GPR39: variants seen among roughly 807,000 people sequenced by gnomAD.
The protein encoded by GPR39 is G protein-coupled receptor 39, also known as zinc sensing receptor.
In GPR39, 23 loss-of-function variants were observed where a neutral mutation model predicts 18.4. The ratio of observed to expected loss-of-function variants is 1.25; its 90% CI spans 0.90 to 1.77. GPR39 has a LOEUF of 1.77. Among genes scored for constraint, GPR39 ranks in the 40% most tolerant of loss-of-function variants. The probability of loss-of-function intolerance (pLI) is 0.00; values close to 1 mark genes in which losing one functional copy is unlikely to be tolerated. For missense variants in GPR39, 647 were observed against 602.4 expected (o/e 1.07, Z -0.78); for synonymous variants, 280 against 257.9 (o/e 1.09, Z -0.82).
At chr2:132,636,256 C>T (rs1450046983) in intron 1 of GPR39, among the ~76,000 whole-genome samples, 1 of 152,246 alleles carries the variant, frequency 6.6e-6, no homozygotes, top group East Asian at 1.9e-4. Context: ...GTAAAAAAGA[C>T]TCCCATGGAG....
In GPR39 at chr2:132,645,596, A is replaced by G; in HGVS notation, c.1352A>G (p.His451Arg). 2 of 1,610,772 alleles carry G rather than the reference A, an allele frequency of 1.2e-6. No homozygotes were observed. Among genetic ancestry groups the G allele is most frequent in the Non-Finnish European group, 1.7e-6 (2 of 1,178,548 alleles). ...NSAAENGFQE[H>R]EV ...GCTGCAGAGAATGGTTTTCAGGAGC[A>G]TGAAGTTTGAATGTCAAGCGAGGGA... Residue 451 changes from histidine to arginine, a missense_variant, in exon 2 of 2, where the codon CAT becomes CGT. By Grantham distance (29) the His-to-Arg change is conservative. Around this residue, in one of 3 missense-constraint regions of GPR39, gnomAD observed 581 missense variants for 506.8 expected, o/e 1.15. Coordinates refer to ENST00000329321, the MANE Select transcript of GPR39 (RefSeq NM_001508.3).
chr2:132,476,559 C>A (rs1241104694), intron 1 of GPR39, among the ~76,000 whole-genome samples: 6 of 140,822 alleles, frequency 4.3e-5, no homozygotes, highest in African/African-American at 1.6e-4. Context: ...TCACTTGAAC[C>A]CGGGAGGTGG....
chr2:132,551,278 TGGG>T (rs566660350), intron 1 of GPR39, among the ~76,000 whole-genome samples: 1 of 150,782 alleles, frequency 6.6e-6, no homozygotes, highest in East Asian at 1.9e-4. Context: ...TCCGTGTTAT[TGGG>T]GGAAAAAAAA....
intron 1 of GPR39, among the ~76,000 whole-genome samples, chr2:132,495,069 C>T (rs1381065464): frequency 6.6e-6 from 1 of 152,100 alleles, no homozygotes; most frequent in Non-Finnish European, 1.5e-5. Context: ...ACATCAAAGA[C>T]ACTAGGAAGA....
At chr2:132,619,653 T>C (rs1163763501) in intron 1 of GPR39, among the ~76,000 whole-genome samples, 5 of 152,134 alleles carry the variant, frequency 3.3e-5, no homozygotes, top group African/African-American at 1.2e-4. Context: ...AGGCACAGCC[T>C]CCTGGGAGGA....
chr2:132,490,924 G>A (rs540849679), intron 1 of GPR39, among the ~76,000 whole-genome samples: 12 of 152,266 alleles, frequency 7.9e-5, no homozygotes, highest in African/African-American at 1.9e-4. Context: ...AAGGGGCTGC[G>A]AAGGCTCTGT....
intron 1 of GPR39, among the ~76,000 whole-genome samples, chr2:132,634,633 G>T (rs72844715): frequency 6.6e-6 from 1 of 152,122 alleles, no homozygotes; most frequent in African/African-American, 2.4e-5. Flanking sequence ...TTCTGCACAC[G>T]TCCTCTAAGT....
intron 1 of GPR39, among the ~76,000 whole-genome samples, chr2:132,569,335 A>G (rs1032160774): frequency 2.0e-5 from 3 of 152,210 alleles, no homozygotes; most frequent in African/African-American, 7.2e-5. Context: ...TCACCAAGTC[A>G]GCACAGATGT....
intron 1 of GPR39, 53 bp downstream of exon 1, chr2:132,417,951 G>A (rs34879126): frequency 0.12 from 187,771 of 1,525,092 alleles, 12,087 homozygotes; most frequent in South Asian, 0.2. Flanking sequence ...CTTCCCCCAC[G>A]ACCCGTGCCA....
chr2:132,541,778 A>C (rs1224686394), intron 1 of GPR39, among the ~76,000 whole-genome samples: 6 of 152,200 alleles, frequency 3.9e-5, no homozygotes, highest in Non-Finnish European at 8.8e-5. Context: ...AGCAAAGTAG[A>C]GATCATAGTC....
intron 1 of GPR39, among the ~76,000 whole-genome samples, chr2:132,534,584 C>A (rs1213134178): frequency 6.8e-6 from 1 of 146,992 alleles, no homozygotes; most frequent in Non-Finnish European, 1.5e-5. Flanking sequence ...GACTTGGAAC[C>A]AACCCAAATG....
In GPR39 at chr2:132,626,422, C is replaced by T. The variant is rs145431148; in HGVS notation, c.857-18679C>T. Among the ~76,000 whole-genome samples the T allele has an allele frequency of 8.3e-4, 127 of 152,274 alleles. 1 individual carries two copies. Among genetic ancestry groups the T allele is most frequent in the African/African-American group, 2.9e-3 (122 of 41,556 alleles). On this transcript the variant is annotated intron_variant, in intron 1 of 1. Transcript: ENST00000329321. ...TCACATTGGCGAGATAATAAGGCTG[C>T]ACTACAGTGTCCTCTGACAGCCCTT...
intron 1 of GPR39, among the ~76,000 whole-genome samples, chr2:132,625,424 A>G (rs952155413): frequency 2.0e-5 from 3 of 152,166 alleles, no homozygotes; most frequent in African/African-American, 7.2e-5. Context: ...TTTTGGAGTC[A>G]AAGTGGGGAG....
rs188048636 is a variant in GPR39, at chr2:132,561,469, C to T, written c.857-83632C>T. 3.4e-4 allele frequency among the ~76,000 whole-genome samples: 52 copies of T among 152,226 alleles called. 1 individual carries two copies. The Middle Eastern group carries it at 0.01, about 30-fold the overall frequency. ...ACTCAGATTACTGCCTTTGTCGTCA[C>T]CTGACCTCTCTGCAAGGAGCTGTGG... On this transcript the variant is annotated intron_variant, in intron 1 of 1. Coordinates refer to ENST00000329321, the MANE Select transcript of GPR39 (RefSeq NM_001508.3).
intron 1 of GPR39, among the ~76,000 whole-genome samples, chr2:132,484,349 G>A (rs1681291353): frequency 6.6e-6 from 1 of 152,196 alleles, no homozygotes; most frequent in South Asian, 2.1e-4. Flanking sequence ...AGTTTAAAAT[G>A]CTGACTAAAT....
intron 1 of GPR39, among the ~76,000 whole-genome samples, chr2:132,590,165 A>T (rs778076300): frequency 5.3e-5 from 8 of 152,358 alleles, no homozygotes; most frequent in Non-Finnish European, 1.2e-4. Flanking sequence ...AAATGCAAAG[A>T]TGCTGCAAGG....
In GPR39 at chr2:132,646,030, G is replaced by T. The variant is rs1394222861; in HGVS notation, c.*424G>T. 2.0e-6 allele frequency: 3 copies of T among 1,509,696 alleles called. No homozygotes were observed. The highest frequency in any genetic ancestry group is 2.6e-5 in the South Asian group (2 of 76,726). 93.5% of individuals were successfully genotyped at this position (1,509,696 alleles called of 1,614,324 possible). A position where few individuals can be genotyped will look rare whatever the true frequency, so the allele number is the denominator to read the frequency against. ...TGGAAGAACAATGCAGGAGGGGGTG[G>T]CATCTCCTTCAGCTTCAGCAGTGTG... On this transcript the variant is annotated 3_prime_UTR_variant, in exon 2 of 2. Coordinates refer to ENST00000329321, the MANE Select transcript of GPR39 (RefSeq NM_001508.3).
At chr2:132,442,865 C>T (rs535617926) in intron 1 of GPR39, among the ~76,000 whole-genome samples, 3 of 152,210 alleles carry the variant, frequency 2.0e-5, no homozygotes, top group South Asian at 2.1e-4. Context: ...AAATTTATAT[C>T]GCTCTTCACT....
intron 1 of GPR39, among the ~76,000 whole-genome samples, chr2:132,629,844 GA>G (rs1212599371): frequency 6.6e-6 from 1 of 152,196 alleles, no homozygotes; most frequent in East Asian, 1.9e-4. Flanking sequence ...GGTAAACATG[GA>G]AACATAATGC....
Sources: allele counts gnomAD v4.1 joint callset (sites outside exome capture counted in the v4.1 genomes callset), GRCh38; gene constraint gnomAD v4.1.1; regional missense constraint gnomAD v4.1.1; transcripts MANE v1.5; gene names NCBI Gene and HGNC (gene_info 2026-07-23, HGNC 2026-07-21).